The following CCDC88C variants were observed in gnomAD, a reference collection of about 807,000 sequenced individuals.
The protein encoded by CCDC88C is coiled-coil and HOOK domain protein 88C, also known as protein Daple.
A neutral mutation model predicts 198.8 loss-of-function variants in CCDC88C; 131 were observed. The ratio of observed to expected loss-of-function variants is 0.66; its 90% CI spans 0.57 to 0.76. The LOEUF (loss-of-function observed/expected upper bound fraction) is 0.76, where lower values mean the gene tolerates loss of function less well. CCDC88C is among the 30% of genes least tolerant of loss of function. CCDC88C has a pLI of 0.00. For missense variants in CCDC88C, 2,553 were observed against 2,631.6 expected, an observed-to-expected ratio of 0.97 and a Z score of 0.65; for synonymous variants, 1,166 against 1,114.7, an observed-to-expected ratio of 1.05 and a Z score of -0.92.
intron 10 of CCDC88C, among the ~76,000 whole-genome samples, chr14:91,328,750 A>T (rs549271649): frequency 6.6e-6 from 1 of 152,286 alleles, no homozygotes; most frequent in African/African-American, 2.4e-5. Flanking sequence ...ATGCGTGTGA[A>T]ATACTCCATG....
chr14:91,333,093 C>A (rs560284059), intron 10 of CCDC88C, among the ~76,000 whole-genome samples: 1 of 152,218 alleles, frequency 6.6e-6, no homozygotes, highest in African/African-American at 2.4e-5. Context: ...GAGAGACACA[C>A]GCAGATGTGT....
rs762066327 is a variant in CCDC88C at position 91,339,908 on chromosome 14, G to A, written c.600C>T (p.Ile200=). The A allele has an allele frequency of 1.5e-5, 24 of 1,591,604 alleles. No individual in the cohort carries two copies. The highest frequency in any genetic ancestry group is 2.3e-5 in the East Asian group (1 of 43,376). The change falls in exon 7 of 30, where the codon ATC becomes ATT. Residue 200 remains isoleucine (I), a synonymous_variant. Coordinates refer to ENST00000389857, the MANE Select transcript of CCDC88C (RefSeq NM_001080414.4). The surrounding 1 kb of genome is among the most constrained non-coding windows in gnomAD (Gnocchi z 5.8). The stretch of plus-strand genomic sequence containing the variant: ...CCTCGGTGCACTCGTCCCGCTGGTC[G>A]ATGAGCCTCCGCAGGTGGAGCACCA... ...RSMVLHLRRL[I]DQRDECTELI... is the part of the protein sequence containing the mutation.
chr14:91,377,999 G>C (rs1884552495), intron 3 of CCDC88C, among the ~76,000 whole-genome samples: 1 of 147,542 alleles, frequency 6.8e-6, no homozygotes, highest in South Asian at 2.1e-4. Flanking sequence ...CTTTAAGTAA[G>C]GAAGAAGAGG....
chr14:91,410,451 A>C (rs971924278), intron 2 of CCDC88C, among the ~76,000 whole-genome samples: 1 of 152,232 alleles, frequency 6.6e-6, no homozygotes, highest in Non-Finnish European at 1.5e-5. Flanking sequence ...AAAGGAAAAA[A>C]AAACCCTACA....
intron 3 of CCDC88C, among the ~76,000 whole-genome samples, chr14:91,382,534 C>T (rs1884871846): frequency 6.6e-6 from 1 of 152,192 alleles, no homozygotes; most frequent in South Asian, 2.1e-4. Context: ...AGCGTGTTTC[C>T]CTTTGTTCTA....
intron 3 of CCDC88C, among the ~76,000 whole-genome samples, chr14:91,406,798 G>A (rs186976711): frequency 4.5e-4 from 68 of 152,348 alleles, no homozygotes; most frequent in East Asian, 3.1e-3. Flanking sequence ...CATGGCTGTC[G>A]CGAGGGAGAC....
At chr14:91,367,451 C>T (rs187789121) in intron 3 of CCDC88C, among the ~76,000 whole-genome samples, 3 of 152,312 alleles carry the variant, frequency 2.0e-5, no homozygotes, top group Non-Finnish European at 2.9e-5. Flanking sequence ...CGCAGGTGCA[C>T]CCAGCACACC....
Position 91,347,255 on chromosome 14 carries a change from G to T in CCDC88C, c.341-3598C>A, listed in dbSNP as rs7157507. ...AAAATCTTTATGTACTCTATTCGCA[G>T]CAAAGTCCCCAAATAAACTAATTAC... On this transcript the variant is annotated intron_variant, in intron 4 of 29. Coordinates refer to ENST00000389857, the MANE Select transcript of CCDC88C (RefSeq NM_001080414.4). Among the ~76,000 whole-genome samples the T allele has an allele frequency of 3.1e-3, 474 of 152,308 alleles. 6 individuals carry two copies. The highest frequency in any genetic ancestry group is 0.011 in the African/African-American group (449 of 41,570).
intron 3 of CCDC88C, among the ~76,000 whole-genome samples, chr14:91,366,300 A>G (rs1275593131): frequency 2.0e-5 from 3 of 152,152 alleles, no homozygotes; most frequent in South Asian, 2.1e-4. Context: ...AGCCTGGCCA[A>G]CATGGCAAAG....
At chr14:91,305,085 T>C (rs1294837680) in intron 19 of CCDC88C, among the ~76,000 whole-genome samples, 1 of 151,896 alleles carries the variant, frequency 6.6e-6, no homozygotes, top group African/African-American at 2.4e-5. Flanking sequence ...CTACTAAAAA[T>C]ACAAAAATTA....
At chr14:91,343,547 A>G (rs1051168083) in intron 5 of CCDC88C, 52 bp downstream of exon 5, 3 of 1,610,546 alleles carry the variant, frequency 1.9e-6, no homozygotes, top group Non-Finnish European at 2.5e-6. Context: ...CGCAAACCCA[A>G]TATGAGATGG....
At position 91,325,987 on chromosome 14, in the gene CCDC88C, G is replaced by A. The variant is rs199546216; in HGVS notation, c.1120C>T (p.Arg374Trp). The change falls in exon 11 of 30, where the codon CGG (arginine) becomes TGG (tryptophan). Residue 374 changes from arginine (R) to tryptophan (W), a missense_variant. Around this residue, in one of 2 missense-constraint regions of CCDC88C, gnomAD observed 1,260 missense variants for 1,412.0 expected, o/e 0.89. Coordinates refer to ENST00000389857, the MANE Select transcript of CCDC88C (RefSeq NM_001080414.4). The surrounding 1 kb of genome is among the most constrained non-coding windows in gnomAD (Gnocchi z 4.1). ...TCATGGACTTTATCGCCCCGGGCCC[G>A]AGCAGCAGTCAGCTGTTCCTCCAGC... ...AMLEEQLTAARARGDKVHELE... is the reference protein window; with the variant it reads ...AMLEEQLTAAWARGDKVHELE... 255 of 1,596,336 alleles carry A rather than the reference G, an allele frequency of 1.6e-4. 1 individual carries two copies. Among genetic ancestry groups the A allele is most frequent in the Non-Finnish European group, 2.0e-4 (238 of 1,170,950 alleles).
intron 2 of CCDC88C, among the ~76,000 whole-genome samples, 200 bp downstream of exon 2, chr14:91,416,538 G>C (rs1246361677): frequency 6.6e-6 from 1 of 151,968 alleles, no homozygotes; most frequent in Non-Finnish European, 1.5e-5. Context: ...CAAACCAACT[G>C]CCAGACCCAC....
At chr14:91,294,581 A>T (rs1890916076) in intron 22 of CCDC88C, among the ~76,000 whole-genome samples, 1 of 152,252 alleles carries the variant, frequency 6.6e-6, no homozygotes, top group Non-Finnish European at 1.5e-5. Flanking sequence ...CATGATGCAC[A>T]AGTGCAAAAT....
chr14:91,306,961 G>A (rs1354974898), intron 18 of CCDC88C, 77 bp downstream of exon 18: 1 of 1,395,384 alleles, frequency 7.2e-7, no homozygotes, highest in East Asian at 2.5e-5. Context: ...GCAATGACAA[G>A]TCATCAATGG....
rs572683506 is a variant in CCDC88C at position 91,376,272 on chromosome 14, TG to T, written c.271-16562del. 2.2e-4 allele frequency among the ~76,000 whole-genome samples: 33 copies of T among 152,330 alleles called. 1 individual carries two copies. In the South Asian group the frequency reaches 6.8e-3, roughly 32 times the overall value. ...CATGTCTGGCTGGTGGTGGGGGCGC[TG>T]TCTGCTCCTGCTCCCTGACCTTGGT... On this transcript the variant is annotated intron_variant, in intron 3 of 29. Coordinates refer to ENST00000389857, the MANE Select transcript of CCDC88C (RefSeq NM_001080414.4).
chr14:91,320,056 ATG>A (rs1293081200), intron 13 of CCDC88C, among the ~76,000 whole-genome samples: 1 of 150,762 alleles, frequency 6.6e-6, no homozygotes, highest in Non-Finnish European at 1.5e-5. Context: ...AAAAAAAGAA[ATG>A]TGTGTTTGGT....
intron 10 of CCDC88C, among the ~76,000 whole-genome samples, chr14:91,328,315 C>A (rs1005962498): frequency 1.3e-5 from 2 of 152,214 alleles, no homozygotes; most frequent in African/African-American, 4.8e-5. Flanking sequence ...CTGCACACTG[C>A]ACCACCACCT....
chr14:91,287,636 CTTTTTTTTT>C (rs71120129), intron 25 of CCDC88C, among the ~76,000 whole-genome samples: 4 of 75,658 alleles, frequency 5.3e-5, no homozygotes, highest in African/African-American at 5.5e-5. Context: ...TGCACCAGGT[CTTTTTTTTT>C]TTTTTTTTTT....
Sources: gnomAD v4.1 joint callset for allele counts (sites outside exome capture counted in the v4.1 genomes callset) on GRCh38, gnomAD v4.1.1 for gene constraint, gnomAD v4.1.1 regional missense constraint, Gnocchi (gnomAD v3.1) non-coding constraint, MANE v1.5 for transcripts, NCBI Gene and HGNC (gene_info 2026-07-23, HGNC 2026-07-21) for gene names.